The following AKT3 variants were observed in gnomAD, a reference collection of about 807,000 sequenced individuals.
The protein encoded by AKT3 is RAC-gamma serine/threonine-protein kinase.
AKT3 carries 15 observed loss-of-function variants against 65.3 expected under a neutral mutation model. The observed-to-expected ratio is 0.23, with a 90% CI of 0.15 to 0.35. The LOEUF (loss-of-function observed/expected upper bound fraction) is 0.35, where lower values mean the gene tolerates loss of function less well. Among genes scored for constraint, AKT3 ranks in the 10% least tolerant of loss-of-function variants. The probability of loss-of-function intolerance (pLI) is 1.00; values close to 1 mark genes in which losing one functional copy is unlikely to be tolerated. For synonymous variants in AKT3, 206 were observed against 183.8 expected (o/e 1.12, Z -0.98); for missense variants, 243 against 576.5 (o/e 0.42, Z 5.92).
At chr1:243,836,910 CA>C (rs779727098) in intron 2 of AKT3, among the ~76,000 whole-genome samples, 228 of 56,936 alleles carry the variant, frequency 4.0e-3, no homozygotes, top group Middle Eastern at 0.01. Flanking sequence ...GACTCCATCT[CA>C]AAAAAAAAAA....
chr1:243,653,946 C>G lies in AKT3; in HGVS notation c.285-7909G>C, dbSNP rs74449814. Among the ~76,000 whole-genome samples the G allele has an allele frequency of 5.6e-3, 856 of 151,940 alleles. 7 individuals carry two copies. The highest frequency in any genetic ancestry group is 1.0e-2 in the Non-Finnish European group (678 of 67,958). ...TCTTTATCTTTTTCTCCTTTCCTGC[C>G]TGTTTTTTAAATTATTTTGCACTTT... On this transcript the variant is annotated intron_variant, in intron 4 of 13. Transcript: ENST00000673466.
chr1:243,526,778 T>TAAAAAAAAAAAAAAAAAAAAAAAAA lies in AKT3; in HGVS notation c.1252-14353_1252-14352insTTTTTTTTTTTTTTTTTTTTTTTTT, dbSNP rs1671117704. On this transcript the variant is annotated intron_variant, in intron 12 of 13. Transcript: ENST00000673466. Reference sequence around the variant, plus strand: ...TTGCCAGCTGCACTACAAAAAATGGTTAAAAAAAAAAAAAAAAAAAAAAAA... The same window carrying TAAAAAAAAAAAAAAAAAAAAAAAAA: ...TTGCCAGCTGCACTACAAAAAATGGTAAAAAAAAAAAAAAAAAAAAAAAAATAAAAAAAAAAAAAAAAAAAAAAAA... 5.4e-4 allele frequency among the ~76,000 whole-genome samples: 30 copies of TAAAAAAAAAAAAAAAAAAAAAAAAA among 55,726 alleles called. 8 individuals carry two copies. The highest frequency in any genetic ancestry group is 7.9e-4 in the African/African-American group (13 of 16,472). The allele number at this position is 55,726 out of a possible 152,430, so 36.6% of individuals were successfully genotyped here.
intron 13 of AKT3, among the ~76,000 whole-genome samples, chr1:243,510,555 G>A (rs930135579): frequency 2.6e-5 from 4 of 152,204 alleles, no homozygotes; most frequent in African/African-American, 9.7e-5. Flanking sequence ...AGGACAAGAA[G>A]GAGCCATCCA....
chr1:243,700,890 A>T (rs1307294194), intron 2 of AKT3, among the ~76,000 whole-genome samples: 1 of 152,210 alleles, frequency 6.6e-6, no homozygotes, highest in Non-Finnish European at 1.5e-5. Context: ...TGGATAGGAT[A>T]TTCAAATAAA....
chr1:243,673,754 A>G (rs981286797), intron 3 of AKT3, among the ~76,000 whole-genome samples: 2 of 151,780 alleles, frequency 1.3e-5, no homozygotes, highest in African/African-American at 4.8e-5. Context: ...AGCGAGGACT[A>G]CAGGCGTGCG....
At chr1:243,778,887 A>G (rs1469005933) in intron 2 of AKT3, among the ~76,000 whole-genome samples, 1 of 151,506 alleles carries the variant, frequency 6.6e-6, no homozygotes, top group Non-Finnish European at 1.5e-5. Flanking sequence ...AGGTTTTTCC[A>G]TGATTTTCCA....
chr1:243,843,274 T>C lies in AKT3; in HGVS notation c.-104A>G. ...TGCTGCCCTTCCCACTCTCTAGTGA[T>C]GACTCAGCCTGGAAGGAAGTATTGA... On this transcript the variant is annotated 5_prime_UTR_variant, in exon 2 of 14. Transcript: ENST00000673466. The C allele has an allele frequency of 8.2e-6, 12 of 1,454,872 alleles. No homozygotes were observed. The highest frequency in any genetic ancestry group is 1.1e-5 in the Non-Finnish European group (12 of 1,096,264). The allele number at this position is 1,454,872 out of a possible 1,614,324, so 90.1% of individuals were successfully genotyped here. A position where few individuals can be genotyped will look rare whatever the true frequency, so the allele number is the denominator to read the frequency against.
At chr1:243,738,422 G>A (rs1459205573) in intron 2 of AKT3, among the ~76,000 whole-genome samples, 1 of 152,160 alleles carries the variant, frequency 6.6e-6, no homozygotes, top group Non-Finnish European at 1.5e-5. Context: ...AGGACAATGG[G>A]GGAAAGTATT....
downstream of AKT3, chr1:243,499,615 A>T: frequency 1.4e-6 from 1 of 731,664 alleles, no homozygotes; most frequent in South Asian, 1.5e-5. Flanking sequence ...AACTTTTCAT[A>T]TAATTTCCAC....
At chr1:243,757,121 A>T (rs536195998) in intron 2 of AKT3, among the ~76,000 whole-genome samples, 73 of 152,364 alleles carry the variant, frequency 4.8e-4, no homozygotes, top group Non-Finnish European at 8.5e-4. Context: ...CCTGGGTTAG[A>T]ATTTTGCAAT....
At chr1:243,637,177 C>T (rs1377572807) in intron 6 of AKT3, among the ~76,000 whole-genome samples, 1 of 152,006 alleles carries the variant, frequency 6.6e-6, no homozygotes, top group African/African-American at 2.4e-5. Flanking sequence ...ATTTTAATTT[C>T]ACCATTCTAG....
chr1:243,615,075 A>G (rs377561333), intron 7 of AKT3, 21 bp downstream of exon 7: 3 of 1,517,442 alleles, frequency 2.0e-6, no homozygotes, highest in Non-Finnish European at 2.7e-6. Context: ...CGATTATAAC[A>G]TCTGTCCTCT....
At position 243,793,817 on chromosome 1, in the gene AKT3, G is replaced by A. The variant is rs527784129; in HGVS notation, c.46+49308C>T. On this transcript the variant is annotated intron_variant, in intron 2 of 13. Transcript: ENST00000673466. Reference sequence around the variant, plus strand: ...GGGTGAAGAAAACCGACTATTTATTGACTCCCTAGGGTCTAGGAGCTCGAC... The same window carrying A: ...GGGTGAAGAAAACCGACTATTTATTAACTCCCTAGGGTCTAGGAGCTCGAC... Among the ~76,000 whole-genome samples the A allele has an allele frequency of 8.0e-4, 119 of 148,532 alleles. 1 individual carries two copies. The highest frequency in any genetic ancestry group is 1.3e-3 in the Non-Finnish European group (85 of 67,342).
intron 13 of AKT3, among the ~76,000 whole-genome samples, chr1:243,508,378 A>G (rs1329907296): frequency 6.6e-6 from 1 of 152,170 alleles, no homozygotes; most frequent in Non-Finnish European, 1.5e-5. Context: ...TGAGCCACAC[A>G]GACAGCAGGA....
chr1:243,594,970 A>G (rs756685853), intron 8 of AKT3, among the ~76,000 whole-genome samples: 3 of 152,222 alleles, frequency 2.0e-5, no homozygotes, highest in Non-Finnish European at 2.9e-5. Context: ...CACAGCATAC[A>G]TAAAAATTAA....
At chr1:243,615,963 C>G (rs1217104449) in intron 6 of AKT3, among the ~76,000 whole-genome samples, 1 of 151,956 alleles carries the variant, frequency 6.6e-6, no homozygotes, top group East Asian at 1.9e-4. Context: ...TGAGCTCAAA[C>G]TCCTGAGGAT....
chr1:243,674,144 T>TA (rs1048562148), intron 3 of AKT3, among the ~76,000 whole-genome samples: 1 of 152,150 alleles, frequency 6.6e-6, no homozygotes, highest in Non-Finnish European at 1.5e-5. Context: ...GAAATCATGT[T>TA]AAAAAATACC....
intron 6 of AKT3, among the ~76,000 whole-genome samples, chr1:243,622,086 G>A (rs1413830785): frequency 6.6e-6 from 1 of 152,156 alleles, no homozygotes; most frequent in Non-Finnish European, 1.5e-5. Context: ...TTCATTCACA[G>A]TAAAAGCCAA....
rs182877240 is a variant in AKT3, at chr1:243,527,535, A to G, written c.1252-15109T>C. ...TTCGAGGAACAAGGCTTTAGCAGTC[A>G]GCATAAAATTGGGCTTTGGGATTTT... On this transcript the variant is annotated intron_variant, in intron 12 of 13. Transcript: ENST00000673466. 5.4e-3 allele frequency among the ~76,000 whole-genome samples: 818 copies of G among 152,244 alleles called. 16 individuals are homozygous for G. In the South Asian group the frequency reaches 0.054, roughly 10 times the overall value.
Sources: gnomAD v4.1 joint callset for allele counts (sites outside exome capture counted in the v4.1 genomes callset) on GRCh38, gnomAD v4.1.1 for gene constraint, MANE v1.5 for transcripts, NCBI Gene and HGNC (gene_info 2026-07-23, HGNC 2026-07-21) for gene names.